CNTLN: variants seen among roughly 807,000 people sequenced by gnomAD.
CNTLN encodes centlein.
A neutral mutation model predicts 180.0 loss-of-function variants in CNTLN; 212 were observed. The ratio of observed to expected loss-of-function variants is 1.18; its 90% CI spans 1.05 to 1.32. The LOEUF (loss-of-function observed/expected upper bound fraction) is 1.32. CNTLN is among the 40% of genes most tolerant of loss of function. The probability of loss-of-function intolerance (pLI) is 0.00; values close to 1 mark genes in which losing one functional copy is unlikely to be tolerated. For synonymous variants in CNTLN, 722 were observed against 563.1 expected (o/e 1.28, Z -3.99); for missense variants, 2,095 against 1,610.9 (o/e 1.30, Z -5.14).
intron 25 of CNTLN, among the ~76,000 whole-genome samples, chr9:17,493,165 C>T (rs1281306836): frequency 6.6e-6 from 1 of 152,026 alleles, no homozygotes; most frequent in Non-Finnish European, 1.5e-5. Flanking sequence ...GATGGTTACA[C>T]AACAACATGA....
chr9:17,296,144 A>G (rs950683862), intron 6 of CNTLN, among the ~76,000 whole-genome samples: 23 of 151,978 alleles, frequency 1.5e-4, no homozygotes, highest in African/African-American at 5.5e-4. Flanking sequence ...CTGGAACTAC[A>G]GATGTATGCT....
intron 1 of CNTLN, among the ~76,000 whole-genome samples, chr9:17,136,674 G>A (rs948120077): frequency 6.6e-6 from 1 of 152,196 alleles, no homozygotes; most frequent in Non-Finnish European, 1.5e-5. Flanking sequence ...TGCTGACTGA[G>A]TGAAGGGTGT....
chr9:17,147,838 A>G (rs1405368101), intron 2 of CNTLN, among the ~76,000 whole-genome samples: 2 of 152,222 alleles, frequency 1.3e-5, no homozygotes, highest in East Asian at 3.8e-4. Flanking sequence ...TAATGCCGTG[A>G]TGAATGGCTT....
chr9:17,342,884 A>G (rs1007377722), intron 12 of CNTLN, among the ~76,000 whole-genome samples: 3 of 152,182 alleles, frequency 2.0e-5, no homozygotes, highest in Non-Finnish European at 4.4e-5. Flanking sequence ...TGAGCTCATT[A>G]TGGTGTAGCC....
intron 19 of CNTLN, among the ~76,000 whole-genome samples, chr9:17,458,596 C>A (rs1831274565): frequency 6.6e-6 from 1 of 151,638 alleles, no homozygotes; most frequent in South Asian, 2.1e-4. Flanking sequence ...GTTTTCGGTC[C>A]CAAATAGGAT....
chr9:17,155,890 C>T (rs528801177), intron 2 of CNTLN, among the ~76,000 whole-genome samples: 36 of 152,148 alleles, frequency 2.4e-4, no homozygotes, highest in Non-Finnish European at 3.1e-4. Context: ...AGGGAATCTC[C>T]TGGTTTGCGG....
At chr9:17,432,436 T>C (rs1829470351) in intron 18 of CNTLN, among the ~76,000 whole-genome samples, 1 of 151,916 alleles carries the variant, frequency 6.6e-6, no homozygotes, top group African/African-American at 2.4e-5. Context: ...ATGAGGGAAA[T>C]GACTAGATGA....
chr9:17,253,548 T>G (rs1022999920), intron 5 of CNTLN, among the ~76,000 whole-genome samples: 2 of 151,542 alleles, frequency 1.3e-5, no homozygotes, highest in Non-Finnish European at 3.0e-5. Flanking sequence ...GAATTGCTTT[T>G]TTGATTTCTT....
chr9:17,436,262 C>A (rs561442135), intron 18 of CNTLN, among the ~76,000 whole-genome samples: 2 of 152,190 alleles, frequency 1.3e-5, no homozygotes, highest in South Asian at 2.1e-4. Context: ...ATTATTGATT[C>A]CCCTACCGTC....
chr9:17,416,287 G>A, intron 18 of CNTLN, 98 bp downstream of exon 18: 1 of 1,027,324 alleles, frequency 9.7e-7, no homozygotes, highest in Non-Finnish European at 1.4e-6. Flanking sequence ...TGTTAGGCAG[G>A]TCTATGAGTT....
chr9:17,235,571 A>C, intron 3 of CNTLN, 87 bp from the exon 4 acceptor site: 1 of 1,085,028 alleles, frequency 9.2e-7, no homozygotes, highest in Non-Finnish European at 1.3e-6. Flanking sequence ...TCATCACATT[A>C]GCAAATCAAA....
At chr9:17,508,341 C>T (rs1833969847), downstream of CNTLN, among the ~76,000 whole-genome samples, 1 of 152,284 alleles carries the variant, frequency 6.6e-6, no homozygotes, top group East Asian at 1.9e-4. Flanking sequence ...TGAATGGTAA[C>T]ATCTTACATA....
chr9:17,388,796 CATATT>C (rs1825878512), intron 14 of CNTLN, among the ~76,000 whole-genome samples: 1 of 148,448 alleles, frequency 6.7e-6, no homozygotes. Context: ...AAACCTTAGT[CATATT>C]ATAACATGTC....
At chr9:17,515,558 TC>T in the CNTLN span, among the ~76,000 whole-genome samples, 1 of 151,972 alleles carries the variant, frequency 6.6e-6, no homozygotes, top group Non-Finnish European at 1.5e-5. Context: ...TTCCTATCAC[TC>T]CCCCCAGTCA....
At chr9:17,426,520 G>C (rs1489974635) in intron 18 of CNTLN, among the ~76,000 whole-genome samples, 1 of 151,550 alleles carries the variant, frequency 6.6e-6, no homozygotes, top group Non-Finnish European at 1.5e-5. Flanking sequence ...TTGTCATGTT[G>C]TATTTATATC....
In CNTLN at chr9:17,277,883, G is replaced by A. The variant is rs117687572; in HGVS notation, c.983+4017G>A. ...ATTCAGGGAAATATCAAAGTTCATGGTTTGGAAGACTCACTATCATAAAGA... is the reference window on the plus strand; with the variant it reads ...ATTCAGGGAAATATCAAAGTTCATGATTTGGAAGACTCACTATCATAAAGA... On this transcript the variant is annotated intron_variant, in intron 6 of 25. Transcript: ENST00000380647. Among the ~76,000 whole-genome samples the A allele has an allele frequency of 3.7e-3, 567 of 152,198 alleles. 10 individuals are homozygous for A. The highest frequency in any genetic ancestry group is 7.7e-3 in the Admixed American group (118 of 15,272).
intron 2 of CNTLN, among the ~76,000 whole-genome samples, chr9:17,221,034 G>C (rs1246880579): frequency 6.6e-6 from 1 of 152,096 alleles, no homozygotes. Context: ...GGAACTATCT[G>C]ACTGTAGTTA....
rs1564010731 is a variant in CNTLN, at chr9:17,342,357, C to T, written c.1799C>T (p.Pro600Leu). The part of the protein sequence containing the change: ...TEIRKIKRAD[P>L]QQLRQEDSDA... ...ATCAGGAAAATAAAGAGAGCAGATC[C>T]CCAACAACTTCGACAAGAAGATTCT... The change falls in exon 12 of 26, where the codon CCC becomes CTC. Residue 600 changes from proline to leucine, a missense_variant. Coordinates refer to ENST00000380647, the MANE Select transcript of CNTLN (RefSeq NM_017738.4). The T allele has an allele frequency of 6.2e-6, 10 of 1,611,950 alleles. No individual in the cohort carries two copies. The highest frequency in any genetic ancestry group is 7.6e-6 in the Non-Finnish European group (9 of 1,179,172).
At chr9:17,525,366 G>GT in the CNTLN span, among the ~76,000 whole-genome samples, 1 of 152,072 alleles carries the variant, frequency 6.6e-6, no homozygotes, top group Non-Finnish European at 1.5e-5. Context: ...ACTGGAAAGT[G>GT]TTTTTATATA....
Sources: allele counts gnomAD v4.1 joint callset (sites outside exome capture counted in the v4.1 genomes callset), GRCh38; gene constraint gnomAD v4.1.1; transcripts MANE v1.5; gene names NCBI Gene and HGNC (gene_info 2026-07-23, HGNC 2026-07-21).